YARS1: variants seen among roughly 807,000 people sequenced by gnomAD.
YARS1 encodes the protein tyrosyl-tRNA synthetase 1.
A neutral mutation model predicts 62.2 loss-of-function variants in YARS1; 36 were observed. The observed-to-expected ratio is 0.58, with a 90% CI of 0.44 to 0.76. YARS1 has a LOEUF of 0.76. Ranked by LOEUF, YARS1 falls within the 30% of genes least tolerant of loss-of-function variation. YARS1 has a pLI of 0.00. For missense variants in YARS1, 524 were observed against 639.8 expected (o/e 0.82, Z 1.95); for synonymous variants, 234 against 244.9 (o/e 0.96, Z 0.42).
chr1:32,805,690 G>A (rs923545584), intron 4 of YARS1, among the ~76,000 whole-genome samples: 7 of 152,104 alleles, frequency 4.6e-5, no homozygotes, highest in African/African-American at 1.7e-4. Flanking sequence ...GGCCGGGCAC[G>A]GTAGCTCACG....
intron 4 of YARS1, among the ~76,000 whole-genome samples, chr1:32,800,809 G>A (rs1250960157): frequency 6.6e-6 from 1 of 152,070 alleles, no homozygotes; most frequent in Admixed American, 6.6e-5. Context: ...TCCTGACCTC[G>A]TGATCTGCCC....
Position 32,797,760 on chromosome 1 carries a change from C to G in YARS1, c.591+3G>C, listed in dbSNP as rs2148610311. On this transcript the variant is annotated splice_donor_region_variant and intron_variant, in intron 5 of 12. Transcript: ENST00000373477. ...GAAAAAAGACAGGAAAGCAGACACT[C>G]ACCTTCTCTGCAAAGGTGAAAATCT... The G allele has an allele frequency of 6.2e-7, 1 of 1,613,688 alleles. No homozygotes were observed. The highest frequency in any genetic ancestry group is 8.5e-7 in the Non-Finnish European group (1 of 1,179,596).
At chr1:32,812,387 T>C (rs1436469528) in intron 1 of YARS1, among the ~76,000 whole-genome samples, 1 of 152,184 alleles carries the variant, frequency 6.6e-6, no homozygotes, top group African/African-American at 2.4e-5. Context: ...AAACAAACTC[T>C]CTGTAGCAAT....
intron 9 of YARS1, chr1:32,781,536 G>C: frequency 5.4e-6 from 1 of 184,060 alleles, no homozygotes. Context: ...CTGGGCAACA[G>C]AGCCAGACTC....
intron 1 of YARS1, among the ~76,000 whole-genome samples, chr1:32,815,075 C>T (rs1638673339): frequency 6.6e-6 from 1 of 152,186 alleles, no homozygotes; most frequent in Admixed American, 6.5e-5. Context: ...TGAGGCCGGG[C>T]ACTGTGGCTC....
At chr1:32,800,659 C>T (rs1638262724) in intron 4 of YARS1, among the ~76,000 whole-genome samples, 1 of 151,926 alleles carries the variant, frequency 6.6e-6, no homozygotes, top group Non-Finnish European at 1.5e-5. Flanking sequence ...GTGCGAGCTC[C>T]GCCTCCTAGG....
chr1:32,791,870 G>A (rs2148606793), intron 5 of YARS1, among the ~76,000 whole-genome samples: 1 of 152,218 alleles, frequency 6.6e-6, no homozygotes, highest in Middle Eastern at 3.4e-3. Flanking sequence ...CAAATCTTGA[G>A]CGAAGGGAAG....
In YARS1 at chr1:32,797,907, G is replaced by C. The variant is rs1653656143; in HGVS notation, c.511-64C>G. 4.1e-6 allele frequency: 6 copies of C among 1,461,146 alleles called. No homozygotes were observed. The South Asian group carries it at 6.9e-5, about 17-fold the overall frequency. 90.5% of individuals were successfully genotyped at this position (1,461,146 alleles called of 1,614,324 possible). ...TTTTTTTGAGACAGAGTCTCGCTCT[G>C]TCGCCCAGGCTGGAGTGCTGTGGCG... On this transcript the variant is annotated intron_variant, in intron 4 of 12. Transcript: ENST00000373477.
chr1:32,782,360 GCT>G, intron 9 of YARS1, 42 bp downstream of exon 9: 1 of 1,613,704 alleles, frequency 6.2e-7, no homozygotes, highest in African/African-American at 1.3e-5. Context: ...TCATTGACAA[GCT>G]CTCTCTCCTG....
intron 5 of YARS1, among the ~76,000 whole-genome samples, chr1:32,796,356 A>G (rs200435222): frequency 9.0e-6 from 1 of 111,004 alleles, no homozygotes; most frequent in Non-Finnish European, 2.2e-5. Flanking sequence ...AAATGTATTT[A>G]TTTTTTTCTT....
chr1:32,811,401 A>G (rs1235848278), intron 1 of YARS1: 6 of 371,094 alleles, frequency 1.6e-5, no homozygotes, highest in Non-Finnish European at 2.6e-5. Flanking sequence ...GGAAAGCTAT[A>G]GCCGCAGTTC....
intron 5 of YARS1, among the ~76,000 whole-genome samples, chr1:32,797,292 A>C (rs1190499516): frequency 6.6e-6 from 1 of 151,632 alleles, no homozygotes; most frequent in African/African-American, 2.4e-5. Flanking sequence ...GAACTGCTTG[A>C]GCCCAGGCTG....
intron 5 of YARS1, among the ~76,000 whole-genome samples, chr1:32,791,644 A>G (rs1283410622): frequency 6.6e-6 from 1 of 152,124 alleles, no homozygotes; most frequent in Non-Finnish European, 1.5e-5. Flanking sequence ...TCTACTAAGA[A>G]TACAAAAATT....
At chr1:32,780,035 C>T in intron 11 of YARS1, 50 bp downstream of exon 11, 1 of 1,609,680 alleles carries the variant, frequency 6.2e-7, no homozygotes, top group African/African-American at 1.3e-5. Context: ...TGATTCCCTA[C>T]TCTTCCTGGC....
At chr1:32,804,228 T>C (rs976488266) in intron 4 of YARS1, among the ~76,000 whole-genome samples, 10 of 152,284 alleles carry the variant, frequency 6.6e-5, no homozygotes, top group Admixed American at 6.5e-4. Flanking sequence ...ATCGTCATCA[T>C]GGCCCGTTCT....
intron 4 of YARS1, among the ~76,000 whole-genome samples, chr1:32,801,984 G>C (rs1638313596): frequency 8.6e-6 from 1 of 116,204 alleles, no homozygotes; most frequent in Non-Finnish European, 1.6e-5. Context: ...GTCTCGCTCT[G>C]TCGCCCAGGC....
intron 5 of YARS1, among the ~76,000 whole-genome samples, 169 bp from the exon 6 acceptor site, chr1:32,791,423 C>T (rs1483901489): frequency 1.3e-5 from 2 of 152,152 alleles, no homozygotes; most frequent in Non-Finnish European, 2.9e-5. Flanking sequence ...AAGTTTTTTT[C>T]CCTACTGCTT....
chr1:32,776,946 G>A lies in YARS1; in HGVS notation c.1477-855C>T, dbSNP rs1177540744. Among the ~76,000 whole-genome samples the A allele has an allele frequency of 6.6e-6, 1 of 151,816 alleles. No homozygotes were observed. Among genetic ancestry groups the A allele is most frequent in the African/African-American group, 2.4e-5 (1 of 41,346 alleles). ...CACGCCACCACACTCCAGCCTGGGTGACAGAGTGAGACTCCGTCTCCAAAA... is the reference window on the plus strand; with the variant it reads ...CACGCCACCACACTCCAGCCTGGGTAACAGAGTGAGACTCCGTCTCCAAAA... On this transcript the variant is annotated intron_variant, in intron 12 of 12. Coordinates refer to ENST00000373477, the MANE Select transcript of YARS1 (RefSeq NM_003680.4). The surrounding 1 kb of genome is among the most constrained non-coding windows in gnomAD (Gnocchi z 4.0).
At chr1:32,816,209 T>TAC (rs1158196734) in intron 1 of YARS1, among the ~76,000 whole-genome samples, 7 of 151,696 alleles carry the variant, frequency 4.6e-5, no homozygotes, top group African/African-American at 1.7e-4. Context: ...AATTTTATAG[T>TAC]ATGTGAAGTA....
Sources: allele counts gnomAD v4.1 joint callset (sites outside exome capture counted in the v4.1 genomes callset), GRCh38; gene constraint gnomAD v4.1.1; non-coding constraint Gnocchi (gnomAD v3.1); transcripts MANE v1.5; gene names NCBI Gene and HGNC (gene_info 2026-07-23, HGNC 2026-07-21).